The following PDLIM1 variants were observed in gnomAD, a reference collection of about 807,000 sequenced individuals.
The protein encoded by PDLIM1 is PDZ and LIM domain 1, also known as PDZ and LIM domain protein 1.
A neutral mutation model predicts 35.2 loss-of-function variants in PDLIM1; 25 were observed. The ratio of observed to expected loss-of-function variants is 0.71; its 90% CI spans 0.52 to 0.99. The LOEUF is 0.99. PDLIM1 is among the 50% of genes least tolerant of loss of function. The pLI, the probability that PDLIM1 is intolerant of heterozygous loss-of-function variation, is 0.00. For missense variants in PDLIM1, 363 were observed against 415.3 expected (o/e 0.87, Z 1.09); for synonymous variants, 152 against 154.0 (o/e 0.99, Z 0.10).
In PDLIM1 at chr10:95,237,959, T is replaced by C. The variant is rs145614632; in HGVS notation, c.956A>G (p.Glu319Gly). 1.2e-6 allele frequency: 2 copies of C among 1,613,982 alleles called. No homozygotes were observed. Among genetic ancestry groups the C allele is most frequent in the African/African-American group, 2.7e-5 (2 of 74,884 alleles). ...KHARERVTPPEGYEVVTVFPK is the reference protein window; with the variant it reads ...KHARERVTPPGGYEVVTVFPK ...GAACACAGTGACCACTTCATAACCC[T>C]CAGGTGGTGTGACTCGCTCCCGGGC... The change falls in exon 7 of 7, where the codon GAG becomes GGG. Residue 319 changes from glutamate (E) to glycine (G), a missense_variant. Glu to Gly is a moderately conservative substitution (Grantham distance 98). Transcript: ENST00000329399.
chr10:95,289,576 G>A lies in PDLIM1; in HGVS notation c.96+1244C>T, dbSNP rs532122453. Among the ~76,000 whole-genome samples, 15 of 152,336 alleles carry A rather than the reference G, an allele frequency of 9.8e-5. No homozygotes were observed. The East Asian group carries it at 1.7e-3, about 18-fold the overall frequency. On this transcript the variant is annotated intron_variant, in intron 1 of 6. Coordinates refer to ENST00000329399, the MANE Select transcript of PDLIM1 (RefSeq NM_020992.4). ...GGACTGTGGCTGGCAGACAAGTCAA[G>A]AGGAGGCCACCAATTCTTCTCCTGC...
At chr10:95,281,866 C>T (rs1248302366) in intron 1 of PDLIM1, among the ~76,000 whole-genome samples, 1 of 152,226 alleles carries the variant, frequency 6.6e-6, no homozygotes, top group East Asian at 1.9e-4. Flanking sequence ...GGCCAGAAAA[C>T]TCACAGCTAA....
At position 95,290,657 on chromosome 10, in the gene PDLIM1, G is replaced by C. The variant is rs866079435; in HGVS notation, c.96+163C>G. ...GCAGCCTCCGCGAAGGGGCGGCGGGGAGCGGCGGGGCCCGGGCGCGCGGAG... is the reference window on the plus strand; with the variant it reads ...GCAGCCTCCGCGAAGGGGCGGCGGGCAGCGGCGGGGCCCGGGCGCGCGGAG... On this transcript the variant is annotated intron_variant, in intron 1 of 6. Coordinates refer to ENST00000329399, the MANE Select transcript of PDLIM1 (RefSeq NM_020992.4). This position sits in a 1 kb window ranked among gnomAD's most constrained non-coding sequence, Gnocchi z 4.7. Among the ~76,000 whole-genome samples the C allele has an allele frequency of 6.6e-6, 1 of 151,748 alleles. No homozygotes were observed. The highest frequency in any genetic ancestry group is 2.4e-5 in the African/African-American group (1 of 41,364).
intron 1 of PDLIM1, among the ~76,000 whole-genome samples, chr10:95,278,439 TCA>T (rs2035532319): frequency 6.6e-6 from 1 of 152,040 alleles, no homozygotes; most frequent in Non-Finnish European, 1.5e-5. Context: ...ATCAAGAAGC[TCA>T]CAGTCTCCTG....
At chr10:95,254,007 C>A (rs1427224686) in intron 4 of PDLIM1, among the ~76,000 whole-genome samples, 5 of 151,800 alleles carry the variant, frequency 3.3e-5, no homozygotes, top group Non-Finnish European at 7.4e-5. Flanking sequence ...AAAAACACTA[C>A]AAATAAAAAT....
intron 4 of PDLIM1, among the ~76,000 whole-genome samples, chr10:95,254,955 G>A (rs971947129): frequency 2.0e-5 from 3 of 151,984 alleles, no homozygotes; most frequent in African/African-American, 4.8e-5. Context: ...AGAAATGAAA[G>A]AGACATTACA....
intron 5 of PDLIM1, among the ~76,000 whole-genome samples, chr10:95,245,527 T>C (rs1305136598): frequency 6.6e-6 from 1 of 152,166 alleles, no homozygotes; most frequent in Non-Finnish European, 1.5e-5. Context: ...TTGCCTCTCA[T>C]TGAAGGGTTT....
chr10:95,256,757 A>C (rs1009620206), intron 4 of PDLIM1, among the ~76,000 whole-genome samples: 14 of 152,012 alleles, frequency 9.2e-5, no homozygotes, highest in African/African-American at 3.4e-4. Context: ...AGATCACTTG[A>C]GGTCAGGAGT....
At position 95,237,678 on chromosome 10, in the gene PDLIM1, T is replaced by C. The variant is rs4235; in HGVS notation, c.*247A>G. The C allele has an allele frequency of 0.68, 326,197 of 476,472 alleles. 119,815 individuals are homozygous for C. The highest frequency in any genetic ancestry group is 0.79 in the Non-Finnish European group (209,460 of 265,942). 29.5% of individuals were successfully genotyped at this position (476,472 alleles called of 1,614,324 possible). On this transcript the variant is annotated 3_prime_UTR_variant, in exon 7 of 7. Transcript: ENST00000329399. The stretch of plus-strand genomic sequence containing the variant: ...GTCCAAATGCAGCAGAGAAGAACGG[T>C]GGGGCGAAGGGACACAGTGTTGCTG...
At chr10:95,259,829 A>G (rs542443874) in intron 4 of PDLIM1, among the ~76,000 whole-genome samples, 1 of 152,336 alleles carries the variant, frequency 6.6e-6, no homozygotes, top group South Asian at 2.1e-4. Context: ...CTTACAACAC[A>G]ATTTGGAAGA....
chr10:95,265,593 CAAAAAAAAAA>C (rs56893525), intron 3 of PDLIM1, among the ~76,000 whole-genome samples: 3 of 83,978 alleles, frequency 3.6e-5, no homozygotes, highest in African/African-American at 5.2e-5. Context: ...GGAACTCTGT[CAAAAAAAAAA>C]AAAAAAAAAA....
chr10:95,258,893 T>C (rs1260172755), intron 4 of PDLIM1, among the ~76,000 whole-genome samples: 6 of 152,140 alleles, frequency 3.9e-5, no homozygotes, highest in African/African-American at 9.7e-5. Flanking sequence ...AACCTATCGA[T>C]ACAAAAACCT....
At chr10:95,268,991 C>T in intron 2 of PDLIM1, 129 bp from the exon 3 acceptor site, 1 of 656,022 alleles carries the variant, frequency 1.5e-6, no homozygotes, top group Non-Finnish European at 2.7e-6. Flanking sequence ...TCAGCTCTAC[C>T]TTCCATTTGC....
chr10:95,247,900 T>A (rs2035236496), intron 4 of PDLIM1, among the ~76,000 whole-genome samples: 1 of 152,258 alleles, frequency 6.6e-6, no homozygotes, highest in Non-Finnish European at 1.5e-5. Flanking sequence ...GAGGTAACAG[T>A]ACTTTCCTTG....
intron 5 of PDLIM1, among the ~76,000 whole-genome samples, chr10:95,245,480 C>A (rs1037556177): frequency 1.4e-4 from 21 of 152,180 alleles, no homozygotes; most frequent in Non-Finnish European, 1.0e-4. Context: ...GAGATGAGCT[C>A]TGCAGCATGT....
At chr10:95,249,232 G>A (rs185847538) in intron 4 of PDLIM1, among the ~76,000 whole-genome samples, 5 of 152,318 alleles carry the variant, frequency 3.3e-5, no homozygotes, top group African/African-American at 1.2e-4. Flanking sequence ...GCAGGCTCAC[G>A]AGGTCCTCCA....
intron 4 of PDLIM1, among the ~76,000 whole-genome samples, chr10:95,251,469 G>C (rs1185866306): frequency 6.6e-6 from 1 of 152,072 alleles, no homozygotes; most frequent in Non-Finnish European, 1.5e-5. Flanking sequence ...CCAGCTACTT[G>C]GAAGGCTGAG....
intron 1 of PDLIM1, among the ~76,000 whole-genome samples, chr10:95,289,906 T>C (rs913517): frequency 0.43 from 65,494 of 152,104 alleles, 14,062 homozygotes; most frequent in South Asian, 0.5. Flanking sequence ...GTGACATCTC[T>C]TAGTGGGACA....
At position 95,256,982 on chromosome 10, in the gene PDLIM1, A is replaced by AGAAAGAAAG. The variant is rs1430334300; in HGVS notation, c.533+6881_533+6882insCTTTCTTTC. On this transcript the variant is annotated intron_variant, in intron 4 of 6. Transcript: ENST00000329399. Reference sequence around the variant, plus strand: ...AGAATGAGACTTCATCTTAAAAAAAAAAAAAAAGAAAGAAAGAAAGAAAGA... The same window carrying AGAAAGAAAG: ...AGAATGAGACTTCATCTTAAAAAAAAGAAAGAAAGAAAAAAAGAAAGAAAGAAAGAAAGA... Among the ~76,000 whole-genome samples, 15 of 31,038 alleles carry AGAAAGAAAG rather than the reference A, an allele frequency of 4.8e-4. No homozygotes were observed. In the East Asian group the frequency reaches 0.013, roughly 27 times the overall value. The allele number at this position is 31,038 out of a possible 152,430, so 20.4% of individuals were successfully genotyped here. A position where few individuals can be genotyped will look rare whatever the true frequency, so the allele number is the denominator to read the frequency against.
Sources: allele counts gnomAD v4.1 joint callset (sites outside exome capture counted in the v4.1 genomes callset), GRCh38; gene constraint gnomAD v4.1.1; non-coding constraint Gnocchi (gnomAD v3.1); transcripts MANE v1.5; gene names NCBI Gene and HGNC (gene_info 2026-07-23, HGNC 2026-07-21).